Variants in PDIA5 observed in about 807,000 individuals in gnomAD.
PDIA5 encodes the protein protein disulfide-isomerase A5.
Under a neutral mutation model 77.6 loss-of-function variants are expected in PDIA5, and 58 were observed. The ratio of observed to expected loss-of-function variants is 0.75; its 90% CI spans 0.61 to 0.93. The LOEUF (loss-of-function observed/expected upper bound fraction) is 0.93, where lower values mean the gene tolerates loss of function less well. Among genes scored for constraint, PDIA5 ranks in the 40% least tolerant of loss-of-function variants. PDIA5 has a pLI of 0.00. For synonymous variants in PDIA5, 250 were observed against 252.1 expected (o/e 0.99, Z 0.08); for missense variants, 630 against 647.7 (o/e 0.97, Z 0.30).
chr3:123,124,052 C>T lies in PDIA5; in HGVS notation c.610-14C>T, dbSNP rs764535539. 1.8e-5 allele frequency: 29 copies of T among 1,595,392 alleles called. No individual in the cohort carries two copies. Among genetic ancestry groups the T allele is most frequent in the Non-Finnish European group, 2.1e-5 (25 of 1,163,070 alleles). On this transcript the variant is annotated splice_polypyrimidine_tract_variant and intron_variant, in intron 8 of 16. Coordinates refer to ENST00000316218, the MANE Select transcript of PDIA5 (RefSeq NM_006810.4). ...GGCACAGGCTCCACACGGCTCTTCT[C>T]CGCTTCCTCCCAGGTGCTGGCCGGG...
chr3:123,135,364 T>A (rs549680104), intron 11 of PDIA5, among the ~76,000 whole-genome samples: 1 of 152,284 alleles, frequency 6.6e-6, no homozygotes, highest in South Asian at 2.1e-4. Flanking sequence ...ATGCAGGTTC[T>A]GGGGATCCTG....
chr3:123,078,300 C>T (rs186258378), intron 1 of PDIA5, among the ~76,000 whole-genome samples: 18 of 152,288 alleles, frequency 1.2e-4, no homozygotes, highest in African/African-American at 3.6e-4. Flanking sequence ...ACTGCACGTA[C>T]GTGGGAAAGG....
chr3:123,067,185 G>T lies in PDIA5; in HGVS notation c.21G>T (p.Ala7=). MARAGP[A]WLLLAIWVVL... ...CTGGGATGGCGCGGGCCGGGCCGGC[G>T]TGGCTGCTGCTGGCAATCTGGGTGA... is the stretch of plus-strand genomic sequence containing the variant. Residue 7 remains alanine (A), a synonymous_variant, in exon 1 of 17, where the codon GCG becomes GCT. Coordinates refer to ENST00000316218, the MANE Select transcript of PDIA5 (RefSeq NM_006810.4). 1 of 1,247,424 alleles carries T rather than the reference G, an allele frequency of 8.0e-7. No individual in the cohort carries two copies. 77.3% of individuals were successfully genotyped at this position (1,247,424 alleles called of 1,614,324 possible).
intron 6 of PDIA5, among the ~76,000 whole-genome samples, chr3:123,109,090 A>G (rs1403414924): frequency 6.6e-6 from 1 of 152,162 alleles, no homozygotes; most frequent in African/African-American, 2.4e-5. Flanking sequence ...GTTCTTCTGT[A>G]ACTGTAGGAA....
At chr3:123,158,758 T>C (rs563884089) in intron 15 of PDIA5, among the ~76,000 whole-genome samples, 76 of 152,338 alleles carry the variant, frequency 5.0e-4, no homozygotes, top group African/African-American at 1.8e-3. Context: ...CCCCAGGATT[T>C]GTACCAACCA....
intron 6 of PDIA5, among the ~76,000 whole-genome samples, chr3:123,109,271 G>A (rs971996272): frequency 6.6e-6 from 1 of 152,148 alleles, no homozygotes; most frequent in African/African-American, 2.4e-5. Context: ...CAATTTGTAG[G>A]CTTGGAATTT....
intron 15 of PDIA5, among the ~76,000 whole-genome samples, chr3:123,158,933 G>A (rs1329590568): frequency 1.3e-5 from 2 of 152,206 alleles, no homozygotes; most frequent in African/African-American, 4.8e-5. Flanking sequence ...CCTTTGGGGA[G>A]GACGCATTTG....
chr3:123,108,719 C>T (rs377708813), intron 6 of PDIA5, among the ~76,000 whole-genome samples: 1 of 151,616 alleles, frequency 6.6e-6, no homozygotes, highest in East Asian at 2.0e-4. Flanking sequence ...AACTCCGTCT[C>T]TACTAAAGAT....
intron 11 of PDIA5, 25 bp downstream of exon 11, chr3:123,130,641 C>G (rs1935351167): frequency 1.9e-6 from 3 of 1,612,068 alleles, no homozygotes. Context: ...GCTCCTCCCC[C>G]TCCACACCCT....
chr3:123,095,802 T>G (rs1470397234), intron 3 of PDIA5, among the ~76,000 whole-genome samples: 1 of 150,676 alleles, frequency 6.6e-6, no homozygotes, highest in East Asian at 1.9e-4. Context: ...TTTGTAGGAC[T>G]AAATGTCAGA....
intron 2 of PDIA5, among the ~76,000 whole-genome samples, chr3:123,090,170 T>A (rs926290338): frequency 2.6e-5 from 4 of 152,222 alleles, no homozygotes; most frequent in Admixed American, 6.5e-5. Context: ...GCACGTGGGA[T>A]GTGTTCATTG....
intron 6 of PDIA5, among the ~76,000 whole-genome samples, chr3:123,107,694 GCAGTGCTT>G (rs1934768871): frequency 6.6e-6 from 1 of 152,224 alleles, no homozygotes; most frequent in South Asian, 2.1e-4. Flanking sequence ...TGTGAGGCAA[GCAGTGCTT>G]TTTGTAGGTA....
At chr3:123,128,931 T>A (rs1358545671) in intron 10 of PDIA5, among the ~76,000 whole-genome samples, 1 of 152,178 alleles carries the variant, frequency 6.6e-6, no homozygotes, top group East Asian at 1.9e-4. Flanking sequence ...GTTAGCAAAT[T>A]CTAGACTGTT....
intron 15 of PDIA5, among the ~76,000 whole-genome samples, chr3:123,155,264 T>C (rs1935995286): frequency 6.6e-6 from 1 of 152,212 alleles, no homozygotes; most frequent in South Asian, 2.1e-4. Context: ...CAGCACTTAC[T>C]TGGAGGAGAG....
intron 3 of PDIA5, among the ~76,000 whole-genome samples, chr3:123,093,462 G>A (rs1004365026): frequency 1.3e-5 from 2 of 152,186 alleles, no homozygotes; most frequent in Non-Finnish European, 2.9e-5. Context: ...TGAAGACAAG[G>A]CACTTTGGAA....
intron 3 of PDIA5, among the ~76,000 whole-genome samples, chr3:123,095,999 A>G (rs1266058500): frequency 6.6e-6 from 1 of 152,086 alleles, no homozygotes; most frequent in Non-Finnish European, 1.5e-5. Flanking sequence ...TGTGTGTTAT[A>G]AGCGTGGCTG....
chr3:123,092,493 G>A (rs1934324019), intron 3 of PDIA5, 51 bp downstream of exon 3: 1 of 1,341,614 alleles, frequency 7.5e-7, no homozygotes, highest in Admixed American at 1.7e-5. Context: ...AGGGGCACTT[G>A]GGGCTTTGAT....
At chr3:123,136,159 T>A (rs1935498618) in intron 11 of PDIA5, among the ~76,000 whole-genome samples, 1 of 152,156 alleles carries the variant, frequency 6.6e-6, no homozygotes, top group Non-Finnish European at 1.5e-5. Context: ...GGTCTTGAAC[T>A]CCTGGGCTCA....
intron 1 of PDIA5, among the ~76,000 whole-genome samples, chr3:123,072,390 C>G (rs910367213): frequency 1.3e-5 from 2 of 152,206 alleles, no homozygotes; most frequent in African/African-American, 4.8e-5. Context: ...TGCCCAGTCA[C>G]TGGGAGTCTC....
Sources: allele counts gnomAD v4.1 joint callset (sites outside exome capture counted in the v4.1 genomes callset), GRCh38; gene constraint gnomAD v4.1.1; transcripts MANE v1.5; gene names NCBI Gene and HGNC (gene_info 2026-07-23, HGNC 2026-07-21).